ACTR3C: variants seen among roughly 807,000 people sequenced by gnomAD.
The protein encoded by ACTR3C is actin related protein 3C, also known as actin-related protein 3C.
Under a neutral mutation model 26.3 loss-of-function variants are expected in ACTR3C, and 18 were observed. The observed-to-expected ratio is 0.68, with a 90% CI of 0.47 to 1.01. ACTR3C has a LOEUF of 1.01. ACTR3C is among the 50% of genes least tolerant of loss of function. The pLI, the probability that ACTR3C is intolerant of heterozygous loss-of-function variation, is 0.00. For synonymous variants in ACTR3C, 55 were observed against 94.5 expected (o/e 0.58, Z 2.42); for missense variants, 184 against 250.7 (o/e 0.73, Z 1.80).
chr7:149,991,069 T>C, the ACTR3C span, among the ~76,000 whole-genome samples: 4 of 152,166 alleles, frequency 2.6e-5, no homozygotes, highest in Admixed American at 6.5e-5. Context: ...CAGTTCCACA[T>C]GGCTGGGGAG....
the ACTR3C span, among the ~76,000 whole-genome samples, chr7:149,905,060 A>ATAC: frequency 6.6e-6 from 1 of 151,500 alleles, no homozygotes; most frequent in African/African-American, 2.4e-5. Flanking sequence ...AATAATAATA[A>ATAC]TAATCAAAAC....
At chr7:150,244,587 G>A (rs1171726049), downstream of ACTR3C, 4 of 152,128 alleles carry the variant, frequency 2.6e-5, no homozygotes, top group Non-Finnish European at 5.9e-5. Flanking sequence ...TATGGAAGGT[G>A]CATCACTCTG....
the ACTR3C span, among the ~76,000 whole-genome samples, chr7:149,917,979 A>C: frequency 2.0e-5 from 3 of 152,202 alleles, no homozygotes; most frequent in African/African-American, 7.2e-5. Flanking sequence ...GTTTTAAAGC[A>C]ACGCACAATC....
the ACTR3C span, among the ~76,000 whole-genome samples, chr7:150,076,923 G>A: frequency 0.048 from 7,320 of 152,182 alleles, 580 homozygotes; most frequent in African/African-American, 0.17. Flanking sequence ...CCAGCACTTC[G>A]GGAGGCCAAG....
At chr7:150,088,814 CCTCGT>C in the ACTR3C span, among the ~76,000 whole-genome samples, 12 of 152,276 alleles carry the variant, frequency 7.9e-5, no homozygotes, top group Admixed American at 1.3e-4. Context: ...AAACTCATTT[CCTCGT>C]CTGTGAAATG....
chr7:149,985,898 C>T, the ACTR3C span, among the ~76,000 whole-genome samples: 2 of 152,188 alleles, frequency 1.3e-5, no homozygotes, highest in Non-Finnish European at 2.9e-5. Context: ...TTTGGTTTGT[C>T]CTGCCTCACA....
the ACTR3C span, among the ~76,000 whole-genome samples, chr7:150,037,363 C>T: frequency 6.5e-4 from 32 of 49,102 alleles, no homozygotes; most frequent in Admixed American, 1.0e-3. Flanking sequence ...TCTCAGTCCC[C>T]GCCTCGCGGG....
At chr7:150,107,014 C>T in the ACTR3C span, among the ~76,000 whole-genome samples, 4 of 144,692 alleles carry the variant, frequency 2.8e-5, no homozygotes, top group Non-Finnish European at 6.0e-5. Context: ...AACCAGAACT[C>T]ACACCCATTA....
At chr7:150,039,218 G>T in the ACTR3C span, among the ~76,000 whole-genome samples, 17 of 148,376 alleles carry the variant, frequency 1.1e-4, no homozygotes, top group East Asian at 2.0e-4. Context: ...TGCGATGGGG[G>T]TCCTAAGAGC....
the ACTR3C span, among the ~76,000 whole-genome samples, chr7:149,979,243 C>A: frequency 6.6e-6 from 1 of 152,216 alleles, no homozygotes; most frequent in Admixed American, 6.5e-5. Flanking sequence ...GGCGAGCTGG[C>A]AGGTTCCCAG....
the ACTR3C span, among the ~76,000 whole-genome samples, chr7:149,918,652 T>C: frequency 6.6e-6 from 1 of 152,140 alleles, no homozygotes; most frequent in East Asian, 1.9e-4. Flanking sequence ...ATCACGCCAT[T>C]GCACTCCAGC....
the ACTR3C span, among the ~76,000 whole-genome samples, chr7:149,980,096 T>G: frequency 6.6e-6 from 1 of 152,168 alleles, no homozygotes. Flanking sequence ...AGGTATCTGA[T>G]TAAACAAACA....
At chr7:150,091,865 G>A in the ACTR3C span, among the ~76,000 whole-genome samples, 1 of 150,552 alleles carries the variant, frequency 6.6e-6, no homozygotes, top group Admixed American at 6.6e-5. Flanking sequence ...GCGGGCGCCT[G>A]TAGTCCCAGC....
the ACTR3C span, among the ~76,000 whole-genome samples, chr7:149,939,720 A>G: frequency 1.4e-5 from 2 of 147,698 alleles, no homozygotes; most frequent in African/African-American, 5.0e-5. Flanking sequence ...TGGCTCTGAA[A>G]TTTTAGATAA....
the ACTR3C span, among the ~76,000 whole-genome samples, chr7:150,205,952 C>G: frequency 6.6e-6 from 1 of 151,990 alleles, no homozygotes; most frequent in African/African-American, 2.4e-5. Flanking sequence ...TGGGAAATCC[C>G]ACTAGGAATT....
the ACTR3C span, among the ~76,000 whole-genome samples, chr7:149,941,879 C>G: frequency 1.3e-5 from 2 of 152,072 alleles, no homozygotes; most frequent in African/African-American, 4.8e-5. Flanking sequence ...AGGCAAGGAT[C>G]GAGGGATTGT....
At chr7:150,229,879 C>G in the ACTR3C span, among the ~76,000 whole-genome samples, 1 of 151,790 alleles carries the variant, frequency 6.6e-6, no homozygotes, top group Admixed American at 6.6e-5. Flanking sequence ...TTTTTATTAT[C>G]TGGAAGATAT....
the ACTR3C span, among the ~76,000 whole-genome samples, chr7:150,040,051 G>C: frequency 7.3e-6 from 1 of 137,474 alleles, no homozygotes; most frequent in East Asian, 2.0e-4. Context: ...TCCCCGCCTC[G>C]CGGGGGGTGC....
At chr7:149,892,832 C>A in the ACTR3C span, among the ~76,000 whole-genome samples, 1,612 of 145,940 alleles carry the variant, frequency 0.011, 25 homozygotes, top group African/African-American at 0.038. Context: ...CATCACATAG[C>A]CTTAAAATGT....
Sources: allele counts gnomAD v4.1 joint callset (sites outside exome capture counted in the v4.1 genomes callset), GRCh38; gene constraint gnomAD v4.1.1; transcripts MANE v1.5; gene names NCBI Gene and HGNC (gene_info 2026-07-23, HGNC 2026-07-21).